Variants in TMEM67 observed in about 807,000 individuals in gnomAD.
The protein encoded by TMEM67 is transmembrane protein 67, also known as meckelin.
TMEM67 carries 124 observed loss-of-function variants against 136.6 expected under a neutral mutation model. The ratio of observed to expected loss-of-function variants is 0.91; its 90% CI spans 0.78 to 1.05. TMEM67 has a LOEUF of 1.05. TMEM67 is among the 50% of genes least tolerant of loss of function. TMEM67 has a pLI of 0.00. For missense variants in TMEM67, 1,107 were observed against 1,178.4 expected (o/e 0.94, Z 0.89); for synonymous variants, 364 against 390.5 (o/e 0.93, Z 0.80).
At chr8:93,785,662 C>T (rs746871507) in intron 12 of TMEM67, 5 of 303,794 alleles carry the variant, frequency 1.6e-5, no homozygotes, top group Non-Finnish European at 2.4e-5. Context: ...GTCAAGCTGT[C>T]CCGAATATGC....
intron 15 of TMEM67, 58 bp from the exon 16 acceptor site, chr8:93,793,139 GT>G: frequency 6.7e-7 from 1 of 1,491,860 alleles, no homozygotes. Flanking sequence ...TGTTCACAGT[GT>G]TTTTGAACAC....
chr8:93,777,872 T>C (rs3097429), intron 7 of TMEM67, among the ~76,000 whole-genome samples: 99,610 of 152,032 alleles, frequency 0.66, 33,285 homozygotes, highest in East Asian at 0.83. Context: ...ATTAGGTCCA[T>C]TTGGTGCAGA....
chr8:93,828,742 CA>C, the TMEM67 span, among the ~76,000 whole-genome samples: 4,899 of 89,212 alleles, frequency 0.055, 157 homozygotes, highest in African/African-American at 0.13. Flanking sequence ...AAGACTGTCT[CA>C]AAAAAAAAAA....
At position 93,793,017 on chromosome 8, in the gene TMEM67, T is replaced by C. The variant is rs3134029; in HGVS notation, c.1576-181T>C. Among the ~76,000 whole-genome samples, 149,549 of 151,936 alleles carry C rather than the reference T, an allele frequency of 0.98. 73,650 individuals carry two copies. Among genetic ancestry groups the C allele is most frequent in the Middle Eastern group, 1 (292 of 292 alleles). On this transcript the variant is annotated intron_variant, in intron 15 of 27. Coordinates refer to ENST00000453321, the MANE Select transcript of TMEM67 (RefSeq NM_153704.6). ...TGATCTCCTGACCTCATGATCCGCC[T>C]GCCTCGGCCTCCCAAAGTGCTGGGA... is the stretch of plus-strand genomic sequence containing the variant.
chr8:93,762,622 T>A (rs1462255939), intron 3 of TMEM67, among the ~76,000 whole-genome samples: 5 of 152,258 alleles, frequency 3.3e-5, no homozygotes, highest in Middle Eastern at 3.4e-3. Flanking sequence ...TTGAAAATAT[T>A]AACTTGATTC....
rs781254251 is a variant in TMEM67 at position 93,754,956 on chromosome 8, G to A, written c.42G>A (p.Trp14Ter). The change falls in exon 1 of 28, where the codon TGG becomes TGA. Residue 14 changes from tryptophan (W) to a stop codon, truncating the protein, a stop_gained. Coordinates refer to ENST00000453321, the MANE Select transcript of TMEM67 (RefSeq NM_153704.6). LOFTEE classifies it high-confidence loss of function. The part of the protein sequence containing the change: ...RGGAGVAMAV[W>*]SLLSARAVTA... ...GGGCTGGGGTGGCAATGGCGGTTTG[G>A]TCCCTCTTATCCGCCCGGGCCGTGA... 3 of 1,614,002 alleles carry A rather than the reference G, an allele frequency of 1.9e-6. No homozygotes were observed. The highest frequency in any genetic ancestry group is 2.2e-5 in the East Asian group (1 of 44,898).
chr8:93,771,079 G>T (rs763804958), intron 6 of TMEM67, among the ~76,000 whole-genome samples: 10 of 151,872 alleles, frequency 6.6e-5, no homozygotes, highest in Non-Finnish European at 1.5e-4. Flanking sequence ...CATTGTAAAG[G>T]TACTGTGATT....
chr8:93,768,722 G>A (rs1459047851), intron 6 of TMEM67, among the ~76,000 whole-genome samples: 1 of 151,978 alleles, frequency 6.6e-6, no homozygotes. Context: ...CTTCTCCAGG[G>A]GTGAGGAATC....
At chr8:93,808,113 A>G (rs1815236467) in intron 23 of TMEM67, among the ~76,000 whole-genome samples, 1 of 151,398 alleles carries the variant, frequency 6.6e-6, no homozygotes, top group Admixed American at 6.6e-5. Context: ...CAATAAGGTC[A>G]ATTATAAAGG....
Position 93,786,081 on chromosome 8 carries a change from CAAA to C in TMEM67, c.1289-140_1289-138del, listed in dbSNP as rs1814083126. 6.7e-5 allele frequency: 51 copies of C among 759,638 alleles called. 1 individual carries two copies. In the South Asian group the frequency reaches 8.0e-4, roughly 12 times the overall value. 47.1% of individuals were successfully genotyped at this position (759,638 alleles called of 1,614,324 possible). On this transcript the variant is annotated intron_variant, in intron 12 of 27. Coordinates refer to ENST00000453321, the MANE Select transcript of TMEM67 (RefSeq NM_153704.6). ...AGAGTGAGACCCTGTCTAAAAAAAA[CAAA>C]AGAAGACATTCACATGAGTTAGAGA...
chr8:93,793,169 A>G (rs1223113829), intron 15 of TMEM67, 29 bp from the exon 16 acceptor site: 2 of 1,588,644 alleles, frequency 1.3e-6, no homozygotes, highest in Non-Finnish European at 1.7e-6. Flanking sequence ...GAAATTACAT[A>G]AATTCTCAAT....
intron 14 of TMEM67, among the ~76,000 whole-genome samples, chr8:93,788,607 C>T (rs1814230303): frequency 6.6e-6 from 1 of 152,092 alleles, no homozygotes; most frequent in Non-Finnish European, 1.5e-5. Context: ...CCCAATTAAG[C>T]CAGGAACTCA....
chr8:93,755,185 G>A (rs753854958), intron 1 of TMEM67, 48 bp downstream of exon 1: 1 of 1,536,186 alleles, frequency 6.5e-7, no homozygotes, highest in African/African-American at 1.4e-5. Flanking sequence ...CTCCCGCCTT[G>A]GTCGGCCCCT....
At chr8:93,763,604 A>G (rs1812945688) in intron 3 of TMEM67, among the ~76,000 whole-genome samples, 1 of 152,324 alleles carries the variant, frequency 6.6e-6, no homozygotes, top group African/African-American at 2.4e-5. Context: ...ATATTTTACT[A>G]TGTGAGAATA....
At chr8:93,808,299 ATT>A (rs1368302782) in intron 23 of TMEM67, among the ~76,000 whole-genome samples, 1 of 142,846 alleles carries the variant, frequency 7.0e-6, no homozygotes, top group East Asian at 2.0e-4. Context: ...GATTATATAT[ATT>A]ATCATATATA....
chr8:93,754,914 C>T lies in TMEM67; in HGVS notation c.-1C>T. 1 of 1,613,554 alleles carries T rather than the reference C, an allele frequency of 6.2e-7. No homozygotes were observed. On this transcript the variant is annotated 5_prime_UTR_variant, in exon 1 of 28. Transcript: ENST00000453321. ...GCTGTGAGGCTTCCAGCGTCGGTAC[C>T]ATGGCGACGCGCGGTGGGGCTGGGG...
chr8:93,794,646 G>A (rs189755901), intron 16 of TMEM67, among the ~76,000 whole-genome samples: 14 of 152,306 alleles, frequency 9.2e-5, no homozygotes, highest in East Asian at 3.9e-4. Context: ...GAATCAGCAG[G>A]GGTACTTGAT....
intron 26 of TMEM67, among the ~76,000 whole-genome samples, chr8:93,812,702 T>C (rs943734852): frequency 1.3e-5 from 2 of 152,220 alleles, no homozygotes; most frequent in African/African-American, 4.8e-5. Context: ...GTATCTGTTA[T>C]GGGTAGGCAC....
At chr8:93,778,927 T>A (rs1813681178) in intron 7 of TMEM67, among the ~76,000 whole-genome samples, 1 of 152,232 alleles carries the variant, frequency 6.6e-6, no homozygotes, top group African/African-American at 2.4e-5. Flanking sequence ...GAAGTTCTCC[T>A]GGATAATATC....
Sources: gnomAD v4.1 joint callset for allele counts (sites outside exome capture counted in the v4.1 genomes callset) on GRCh38, gnomAD v4.1.1 for gene constraint, MANE v1.5 for transcripts, NCBI Gene and HGNC (gene_info 2026-07-23, HGNC 2026-07-21) for gene names.